CEACAM3: variants seen among roughly 807,000 people sequenced by gnomAD.
CEACAM3 encodes the protein CEA cell adhesion molecule 3.
Under a neutral mutation model 30.1 loss-of-function variants are expected in CEACAM3, and 32 were observed. The ratio of observed to expected loss-of-function variants is 1.06; its 90% CI spans 0.80 to 1.43. CEACAM3 has a LOEUF of 1.43. CEACAM3 is among the 40% of genes most tolerant of loss of function. The pLI, the probability that CEACAM3 is intolerant of heterozygous loss-of-function variation, is 0.00. For synonymous variants in CEACAM3, 134 were observed against 127.2 expected (o/e 1.05, Z -0.36); for missense variants, 290 against 316.3 (o/e 0.92, Z 0.63).
intron 1 of CEACAM3, among the ~76,000 whole-genome samples, chr19:41,796,985 ATG>A (rs1172716375): frequency 6.6e-6 from 1 of 152,232 alleles, no homozygotes; most frequent in African/African-American, 2.4e-5. Context: ...CAATTAGAAA[ATG>A]ATAAGAATAA....
At chr19:41,802,217 C>T (rs918487156) in intron 2 of CEACAM3, among the ~76,000 whole-genome samples, 1 of 152,172 alleles carries the variant, frequency 6.6e-6, no homozygotes, top group South Asian at 2.1e-4. Flanking sequence ...ATTTCCCTCC[C>T]GACTCCACCC....
intron 2 of CEACAM3, among the ~76,000 whole-genome samples, chr19:41,806,291 A>C (rs2073199394): frequency 6.6e-6 from 1 of 152,084 alleles, no homozygotes; most frequent in Admixed American, 6.5e-5. Context: ...CGGCCTCCCC[A>C]AGTGCTGGGA....
intron 2 of CEACAM3, among the ~76,000 whole-genome samples, chr19:41,801,141 C>T (rs2073143192): frequency 6.6e-6 from 1 of 152,192 alleles, no homozygotes. Flanking sequence ...TGAGGATGCC[C>T]CTGCCCTGCA....
chr19:41,801,680 G>A (rs1050415560), intron 2 of CEACAM3, among the ~76,000 whole-genome samples: 2 of 152,180 alleles, frequency 1.3e-5, no homozygotes, highest in African/African-American at 4.8e-5. Context: ...TCATAGGGAT[G>A]TGGCAACTGA....
chr19:41,804,988 T>G (rs545107481), intron 2 of CEACAM3, among the ~76,000 whole-genome samples: 42 of 152,306 alleles, frequency 2.8e-4, no homozygotes, highest in African/African-American at 9.9e-4. Context: ...TTTTGACCAC[T>G]GGCATGATGT....
intron 2 of CEACAM3, among the ~76,000 whole-genome samples, chr19:41,808,607 T>G (rs1407989180): frequency 1.3e-5 from 2 of 152,062 alleles, no homozygotes; most frequent in African/African-American, 4.8e-5. Context: ...AATGTATGAG[T>G]TGGTGCCGCC....
intron 2 of CEACAM3, among the ~76,000 whole-genome samples, chr19:41,808,599 T>A (rs1370815937): frequency 6.6e-6 from 1 of 152,086 alleles, no homozygotes; most frequent in Non-Finnish European, 1.5e-5. Flanking sequence ...TCTGGGACAA[T>A]GTATGAGTTG....
At chr19:41,802,227 C>G (rs1056408156) in intron 2 of CEACAM3, among the ~76,000 whole-genome samples, 1 of 152,316 alleles carries the variant, frequency 6.6e-6, no homozygotes, top group Admixed American at 6.5e-5. Flanking sequence ...CGACTCCACC[C>G]TCATTCAGCT....
intron 2 of CEACAM3, among the ~76,000 whole-genome samples, chr19:41,806,896 C>T (rs895155674): frequency 2.6e-5 from 4 of 152,100 alleles, no homozygotes; most frequent in Non-Finnish European, 5.9e-5. Context: ...ACCGTGTTAG[C>T]CAGGATGGTC....
intron 2 of CEACAM3, chr19:41,807,211 C>T (rs1555826904): frequency 6.2e-7 from 1 of 1,609,680 alleles, no homozygotes; most frequent in Non-Finnish European, 8.5e-7. Flanking sequence ...ACAGCACAAC[C>T]TGCCTGTAGT....
At chr19:41,803,858 T>C (rs1396750843) in intron 2 of CEACAM3, among the ~76,000 whole-genome samples, 1 of 152,020 alleles carries the variant, frequency 6.6e-6, no homozygotes, top group Non-Finnish European at 1.5e-5. Flanking sequence ...GGCGGGTGGA[T>C]CACCTGAGGT....
chr19:41,810,964 C>T, intron 6 of CEACAM3, 67 bp downstream of exon 6: 1 of 1,455,590 alleles, frequency 6.9e-7, no homozygotes, highest in Non-Finnish European at 9.5e-7. Flanking sequence ...CCCCTACTGG[C>T]ATCGGCTGAG....
intron 2 of CEACAM3, among the ~76,000 whole-genome samples, chr19:41,804,375 C>T (rs782424657): frequency 2.0e-4 from 31 of 152,034 alleles, no homozygotes; most frequent in Non-Finnish European, 3.8e-4. Flanking sequence ...CTGCCCAATT[C>T]GGGCTAATTT....
Position 41,796,688 on chromosome 19 carries a change from C to G in CEACAM3, c.11C>G (p.Pro4Arg), listed in dbSNP as rs1416628885. Residue 4 changes from proline (P) to arginine (R), a missense_variant, in exon 1 of 7, where the codon CCC (proline) becomes CGC (arginine). Physicochemically the swap from Pro to Arg is moderately radical, Grantham distance 103. Coordinates refer to ENST00000357396, the MANE Select transcript of CEACAM3 (RefSeq NM_001815.5). MGP[P>R]SASPHRECIP... ...CAGGCAGCAGAGACCATGGGGCCCC[C>G]CTCAGCCTCTCCCCACAGAGAATGC... 11 of 1,614,138 alleles carry G rather than the reference C, an allele frequency of 6.8e-6. No individual in the cohort carries two copies. The East Asian group carries it at 2.0e-4, about 29-fold the overall frequency.
At position 41,796,663 on chromosome 19, in the gene CEACAM3, C is replaced by A. The variant is rs782331494; in HGVS notation, c.-15C>A. 3 of 1,613,948 alleles carry A rather than the reference C, an allele frequency of 1.9e-6. No individual in the cohort carries two copies. In the African/African-American group the frequency reaches 4.0e-5, roughly 22 times the overall value. ...CTCTTTTCCACAGAGGAGGAAAGAG[C>A]AGGCAGCAGAGACCATGGGGCCCCC... On this transcript the variant is annotated 5_prime_UTR_variant, in exon 1 of 7. Transcript: ENST00000357396.
At position 41,797,686 on chromosome 19, in the gene CEACAM3, T is replaced by C. The variant is rs1819373501; in HGVS notation, c.162T>C (p.Leu54=). 2 of 1,614,110 alleles carry C rather than the reference T, an allele frequency of 1.2e-6. No individual in the cohort carries two copies. The highest frequency in any genetic ancestry group is 1.7e-6 in the Non-Finnish European group (2 of 1,180,016). The change falls in exon 2 of 7, where the codon CTT becomes CTC. Residue 54 remains leucine, a synonymous_variant. Coordinates refer to ENST00000357396, the MANE Select transcript of CEACAM3 (RefSeq NM_001815.5). ...SVAEGKEVLL[L]VHNLPQHLFG... ...CAGAGGGGAAGGAGGTGCTTCTACT[T>C]GTCCACAATCTGCCCCAGCATCTTT... is the stretch of plus-strand genomic sequence containing the variant.
intron 2 of CEACAM3, among the ~76,000 whole-genome samples, chr19:41,807,826 G>A (rs1435477884): frequency 1.3e-5 from 2 of 152,098 alleles, no homozygotes; most frequent in African/African-American, 4.8e-5. Flanking sequence ...TACCATCCAG[G>A]GGCAAATCTC....
intron 2 of CEACAM3, among the ~76,000 whole-genome samples, chr19:41,801,495 C>G (rs1016794162): frequency 6.6e-6 from 1 of 152,214 alleles, no homozygotes; most frequent in African/African-American, 2.4e-5. Flanking sequence ...TTCACTGAGA[C>G]CACGATATTG....
At position 41,811,242 on chromosome 19, in the gene CEACAM3, C is replaced by T. The variant is rs368557028; in HGVS notation, c.*5C>T. ...AAAGCAGAAGTGGCTTCTTAGCTTC[C>T]TCCAGGAGCTGCTCCTGTGTGTTGA... On this transcript the variant is annotated 3_prime_UTR_variant, in exon 7 of 7. Coordinates refer to ENST00000357396, the MANE Select transcript of CEACAM3 (RefSeq NM_001815.5). The T allele has an allele frequency of 8.1e-6, 13 of 1,612,950 alleles. No individual in the cohort carries two copies. Among genetic ancestry groups the T allele is most frequent in the South Asian group, 7.7e-5 (7 of 91,048 alleles).
Sources: gnomAD v4.1 joint callset for allele counts (sites outside exome capture counted in the v4.1 genomes callset) on GRCh38, gnomAD v4.1.1 for gene constraint, MANE v1.5 for transcripts, NCBI Gene and HGNC (gene_info 2026-07-23, HGNC 2026-07-21) for gene names.